Variants in MYO5C observed in about 807,000 individuals in gnomAD.
MYO5C encodes the protein unconventional myosin-Vc.
MYO5C carries 194 observed loss-of-function variants against 235.7 expected under a neutral mutation model. The ratio of observed to expected loss-of-function variants is 0.82; its 90% CI spans 0.73 to 0.93. MYO5C has a LOEUF of 0.93. Ranked by LOEUF, MYO5C falls within the 40% of genes least tolerant of loss-of-function variation. The pLI is 0.00. For missense variants in MYO5C, 2,038 were observed against 2,127.2 expected (o/e 0.96, Z 0.82); for synonymous variants, 707 against 754.8 (o/e 0.94, Z 1.04).
At chr15:52,215,373 A>G (rs1241760328) in intron 32 of MYO5C, among the ~76,000 whole-genome samples, 1 of 152,216 alleles carries the variant, frequency 6.6e-6, no homozygotes, top group African/African-American at 2.4e-5. Context: ...AATATTTCCT[A>G]TAAAGGACAT....
chr15:52,244,024 T>C (rs932066312), intron 19 of MYO5C, among the ~76,000 whole-genome samples: 4 of 152,166 alleles, frequency 2.6e-5, no homozygotes, highest in Admixed American at 2.0e-4. Flanking sequence ...GCTGATCTTA[T>C]GCATTTTCAG....
intron 1 of MYO5C, among the ~76,000 whole-genome samples, chr15:52,291,738 T>TTTTTTTTTTTTTTG (rs2037395320): frequency 1.1e-4 from 9 of 80,270 alleles, no homozygotes; most frequent in African/African-American, 2.1e-4. Context: ...TATGTTTTTT[T>TTTTTTTTTTTTTTG]TTTTTTTTTT....
chr15:52,208,203 G>A (rs1156826462), intron 36 of MYO5C, among the ~76,000 whole-genome samples: 4 of 152,218 alleles, frequency 2.6e-5, no homozygotes, highest in African/African-American at 9.7e-5. Context: ...GATTATGGAG[G>A]AACAGTCAGG....
rs2036570662 is a variant in MYO5C at position 52,256,045 on chromosome 15, C to T, written c.1395+594G>A. Among the ~76,000 whole-genome samples, 3 of 152,266 alleles carry T rather than the reference C, an allele frequency of 2.0e-5. No individual in the cohort carries two copies. In the South Asian group the frequency reaches 6.2e-4, roughly 32 times the overall value. On this transcript the variant is annotated intron_variant, in intron 11 of 40. Transcript: ENST00000261839. ...ATCTGCTGTTTAGTGCTGCATGTGC[C>T]GAGATAAGCACTGGGCTGAGAGAGA...
chr15:52,219,693 T>C, intron 31 of MYO5C, 66 bp downstream of exon 31: 6 of 1,268,678 alleles, frequency 4.7e-6, no homozygotes, highest in Non-Finnish European at 6.8e-6. Context: ...CATCTTGGTA[T>C]ATTCTACAGT....
intron 32 of MYO5C, among the ~76,000 whole-genome samples, chr15:52,216,192 A>T (rs2035546074): frequency 6.6e-6 from 1 of 152,036 alleles, no homozygotes; most frequent in Non-Finnish European, 1.5e-5. Flanking sequence ...GCAGCATAAG[A>T]TCTCTATTAA....
rs1407606755 is a variant in MYO5C, at chr15:52,295,646, G to C, written c.-10C>G. On this transcript the variant is annotated 5_prime_UTR_variant, in exon 1 of 41. Coordinates refer to ENST00000261839, the MANE Select transcript of MYO5C (RefSeq NM_018728.4). ...GCTCGGCCACCGCCATGGGCAGGAG[G>C]GGCCGGGGCCAGGCCGGGGCTGCCG... The C allele has an allele frequency of 2.7e-6, 4 of 1,461,270 alleles. No homozygotes were observed. The highest frequency in any genetic ancestry group is 2.0e-4 in the Middle Eastern group (1 of 4,898). 90.5% of individuals were successfully genotyped at this position (1,461,270 alleles called of 1,614,324 possible).
At chr15:52,226,806 G>C (rs2035833160) in intron 25 of MYO5C, among the ~76,000 whole-genome samples, 1 of 152,200 alleles carries the variant, frequency 6.6e-6, no homozygotes, top group African/African-American at 2.4e-5. Flanking sequence ...AGGCTTTTAA[G>C]ACTGACTATA....
chr15:52,280,403 T>C (rs1382270892), intron 2 of MYO5C, among the ~76,000 whole-genome samples: 1 of 152,264 alleles, frequency 6.6e-6, no homozygotes, highest in Non-Finnish European at 1.5e-5. Flanking sequence ...AGCAGCTGCC[T>C]TAGCAGAACG....
chr15:52,233,310 A>AT lies in MYO5C; in HGVS notation c.2963-626_2963-625insA, dbSNP rs1270965692. On this transcript the variant is annotated intron_variant, in intron 23 of 40. Transcript: ENST00000261839. ...AAAAAAAAAAAAATTAAAAAAAAAAAAAAATAAATAAATAAATAGAAACCC... is the reference window on the plus strand; with the variant it reads ...AAAAAAAAAAAAATTAAAAAAAAAAATAAAATAAATAAATAAATAGAAACCC... Among the ~76,000 whole-genome samples the AT allele has an allele frequency of 1.1e-4, 16 of 139,332 alleles. 2 individuals carry two copies. The East Asian group carries it at 3.7e-3, about 32-fold the overall frequency. The allele number at this position is 139,332 out of a possible 152,430, so 91.4% of individuals were successfully genotyped here.
In MYO5C at chr15:52,259,427, A is replaced by AG. The variant is rs2036646573; in HGVS notation, c.1313+1434_1313+1435insC. ...AGAGCAAGACTCCGTCTCAAAAAAA[A>AG]AAAAAAGAAAAAAAAGAAAGAAATA... On this transcript the variant is annotated intron_variant, in intron 10 of 40. Transcript: ENST00000261839. 2.6e-5 allele frequency among the ~76,000 whole-genome samples: 4 copies of AG among 151,460 alleles called. No homozygotes were observed. In the South Asian group the frequency reaches 6.3e-4, roughly 24 times the overall value.
At chr15:52,256,585 ACACGCG>A in intron 11 of MYO5C, 48 bp downstream of exon 11, 9 of 870,870 alleles carry the variant, frequency 1.0e-5, no homozygotes, top group Admixed American at 3.0e-5. Context: ...ACACACACAC[ACACGCG>A]CGCGCGCGCG....
intron 20 of MYO5C, among the ~76,000 whole-genome samples, chr15:52,241,195 C>T (rs2036212205): frequency 6.7e-6 from 1 of 150,250 alleles, no homozygotes; most frequent in African/African-American, 2.4e-5. Flanking sequence ...ACACCCTGGA[C>T]ATCCCATCTG....
rs375234011 is a variant in MYO5C at position 52,194,004 on chromosome 15, T to C, written c.5127A>G (p.Lys1709=). 9.9e-5 allele frequency: 160 copies of C among 1,613,692 alleles called. No homozygotes were observed. The highest frequency in any genetic ancestry group is 1.6e-4 in the Middle Eastern group (1 of 6,084). ...EDSSQLMLDT[K]YLFQVTFPFT... is the part of the protein sequence containing the mutation. ...AAGGAAATGTGACTTGAAAGAGATA[T>C]TTGGTATCCAACATCAGCTGTGATG... The change falls in exon 41 of 41, where the codon AAA becomes AAG. Residue 1709 remains lysine, a synonymous_variant. Transcript: ENST00000261839.
In MYO5C at chr15:52,215,097, A is replaced by G. The variant is rs142885421; in HGVS notation, c.3955-407T>C. Reference sequence around the variant, plus strand: ...AAAATTCATCCATGTCGTAGCATGTATCAGCATTTCATATATTCGTATGGC... The same window carrying G: ...AAAATTCATCCATGTCGTAGCATGTGTCAGCATTTCATATATTCGTATGGC... On this transcript the variant is annotated intron_variant, in intron 32 of 40. Coordinates refer to ENST00000261839, the MANE Select transcript of MYO5C (RefSeq NM_018728.4). Among the ~76,000 whole-genome samples the G allele has an allele frequency of 4.8e-3, 727 of 152,354 alleles. 2 individuals are homozygous for G. The highest frequency in any genetic ancestry group is 0.016 in the African/African-American group (675 of 41,584).
intron 4 of MYO5C, 74 bp downstream of exon 4, chr15:52,278,799 C>T: frequency 1.9e-6 from 3 of 1,565,154 alleles, no homozygotes; most frequent in Non-Finnish European, 2.6e-6. Context: ...GATATCTCCC[C>T]TCCACTGTGA....
chr15:52,232,405 C>A (rs1347201108), intron 24 of MYO5C, among the ~76,000 whole-genome samples: 1 of 151,996 alleles, frequency 6.6e-6, no homozygotes, highest in African/African-American at 2.4e-5. Flanking sequence ...ACTGTACCCA[C>A]CCAGCAGAAG....
chr15:52,283,029 A>C, intron 1 of MYO5C, 137 bp from the exon 2 acceptor site: 1 of 654,506 alleles, frequency 1.5e-6, no homozygotes, highest in Non-Finnish European at 2.8e-6. Context: ...AATTTTGCTT[A>C]TGAGGTGATC....
At chr15:52,289,652 G>A (rs1596239093) in intron 1 of MYO5C, among the ~76,000 whole-genome samples, 1 of 148,424 alleles carries the variant, frequency 6.7e-6, no homozygotes, top group Non-Finnish European at 1.5e-5. Flanking sequence ...AGCAGCCCCC[G>A]GAGGCTTCCT....
Sources: allele counts gnomAD v4.1 joint callset (sites outside exome capture counted in the v4.1 genomes callset), GRCh38; gene constraint gnomAD v4.1.1; transcripts MANE v1.5; gene names NCBI Gene and HGNC (gene_info 2026-07-23, HGNC 2026-07-21).